Variants in ELFN2 observed in about 807,000 individuals in gnomAD.
ELFN2 encodes the protein extracellular leucine rich repeat and fibronectin type III domain containing 2.
ELFN2 carries 17 observed loss-of-function variants against 45.5 expected under a neutral mutation model. That is an observed-to-expected ratio of 0.37 (90% CI 0.26 to 0.56). The LOEUF is 0.56. Ranked by LOEUF, ELFN2 falls within the 20% of genes least tolerant of loss-of-function variation. ELFN2 has a pLI of 0.77. For missense variants in ELFN2, 922 were observed against 1,183.2 expected (o/e 0.78, Z 3.24); for synonymous variants, 550 against 551.5 (o/e 1.00, Z 0.04).
chr22:37,426,692 C>T (rs1932853947), intron 1 of ELFN2, among the ~76,000 whole-genome samples: 1 of 151,566 alleles, frequency 6.6e-6, no homozygotes, highest in Non-Finnish European at 1.5e-5. Context: ...CCCGGCCCTG[C>T]CAGAGCTGCA....
chr22:37,351,930 C>G (rs1437207093), intron 1 of ELFN2, among the ~76,000 whole-genome samples: 1 of 151,080 alleles, frequency 6.6e-6, no homozygotes, highest in Admixed American at 6.6e-5. Flanking sequence ...GGAGCTGCCT[C>G]ACTCATCTTT....
intron 2 of ELFN2, among the ~76,000 whole-genome samples, chr22:37,401,139 T>C (rs946135308): frequency 6.6e-6 from 1 of 152,188 alleles, no homozygotes; most frequent in Non-Finnish European, 1.5e-5. Flanking sequence ...GGCTGCCTGG[T>C]CTTCCAGAGG....
chr22:37,358,899 C>T (rs1294002062), intron 1 of ELFN2, among the ~76,000 whole-genome samples: 2 of 152,188 alleles, frequency 1.3e-5, no homozygotes, highest in Admixed American at 1.3e-4. Flanking sequence ...AAGGTGGAGA[C>T]TAGCTCCAAA....
At chr22:37,367,760 T>C (rs1459260611), downstream of ELFN2, among the ~76,000 whole-genome samples, 2 of 152,092 alleles carry the variant, frequency 1.3e-5, no homozygotes, top group Non-Finnish European at 2.9e-5. Flanking sequence ...GACCCTGGAA[T>C]TGAGTTTCCT....
At chr22:37,415,634 C>T (rs768533881) in intron 2 of ELFN2, among the ~76,000 whole-genome samples, 10 of 152,196 alleles carry the variant, frequency 6.6e-5, no homozygotes, top group African/African-American at 1.2e-4. Context: ...CTTCCCTACG[C>T]GTGTCAGGAA....
Position 37,417,338 on chromosome 22 carries a change from C to CAGACCCCCACCTGAGCG in ELFN2, c.-463+414_-463+430dup, listed in dbSNP as rs1932770469. 1.3e-5 allele frequency among the ~76,000 whole-genome samples: 2 copies of CAGACCCCCACCTGAGCG among 152,226 alleles called. No individual in the cohort carries two copies. Among genetic ancestry groups the CAGACCCCCACCTGAGCG allele is most frequent in the Non-Finnish European group, 2.9e-5 (2 of 68,034 alleles). ...TTCCAGCCTCTCTCTCTACAATGGA[C>CAGACCCCCACCTGAGCG]AGACCCCCACCTGAGCGAGACCCCC... On this transcript the variant is annotated intron_variant, in intron 2 of 2. Coordinates refer to ENST00000402918, the MANE Select transcript of ELFN2 (RefSeq NM_052906.5). The surrounding 1 kb of genome is among the most constrained non-coding windows in gnomAD (Gnocchi z 4.5).
At chr22:37,387,271 G>A (rs1376614304) in intron 2 of ELFN2, among the ~76,000 whole-genome samples, 3 of 151,934 alleles carry the variant, frequency 2.0e-5, no homozygotes, top group Non-Finnish European at 4.4e-5. Flanking sequence ...CTCTCCCAGC[G>A]CCAAAGCACA....
intron 2 of ELFN2, among the ~76,000 whole-genome samples, chr22:37,400,493 G>A (rs1054700491): frequency 6.6e-6 from 1 of 152,236 alleles, no homozygotes; most frequent in African/African-American, 2.4e-5. Context: ...GACCAAACCT[G>A]ACTACCAAGA....
intron 2 of ELFN2, among the ~76,000 whole-genome samples, chr22:37,401,659 G>A (rs753124234): frequency 2.6e-5 from 4 of 152,170 alleles, no homozygotes; most frequent in Non-Finnish European, 4.4e-5. Context: ...TGCCTAATGC[G>A]AGCCTGGGGG....
intron 1 of ELFN2, among the ~76,000 whole-genome samples, chr22:37,351,265 A>C (rs1930814548): frequency 3.7e-5 from 5 of 136,376 alleles, no homozygotes; most frequent in South Asian, 2.4e-4. Flanking sequence ...CTAGTCCCTC[A>C]CTCCTCTCCT....
chr22:37,390,553 G>T (rs1439515571), intron 2 of ELFN2, among the ~76,000 whole-genome samples: 1 of 152,152 alleles, frequency 6.6e-6, no homozygotes. Context: ...CCCCATGGGG[G>T]TGAGCTCTGA....
intron 2 of ELFN2, among the ~76,000 whole-genome samples, chr22:37,387,551 C>T (rs1452079799): frequency 6.6e-6 from 1 of 152,108 alleles, no homozygotes; most frequent in Non-Finnish European, 1.5e-5. Flanking sequence ...CAGGAGCTGA[C>T]CCTCCTGGGC....
intron 2 of ELFN2, among the ~76,000 whole-genome samples, chr22:37,400,289 T>C (rs1932330831): frequency 6.6e-6 from 1 of 150,598 alleles, no homozygotes; most frequent in African/African-American, 2.4e-5. Flanking sequence ...CGACTCCCAC[T>C]GTGGACAGAG....
chr22:37,424,447 G>GCC (rs1932833165), intron 1 of ELFN2, among the ~76,000 whole-genome samples: 1 of 152,160 alleles, frequency 6.6e-6, no homozygotes, highest in Non-Finnish European at 1.5e-5. Context: ...TGCTGAGTGT[G>GCC]CCCGTTCCTA....
chr22:37,403,078 C>G (rs1569140597), intron 2 of ELFN2, among the ~76,000 whole-genome samples: 1 of 152,136 alleles, frequency 6.6e-6, no homozygotes, highest in Non-Finnish European at 1.5e-5. Flanking sequence ...ATCCCAGTTA[C>G]TACCAGCTAC....
intron 2 of ELFN2, among the ~76,000 whole-genome samples, chr22:37,378,132 G>A (rs551120647): frequency 3.9e-5 from 6 of 152,362 alleles, no homozygotes; most frequent in East Asian, 1.9e-4. Context: ...GTGTGCTGAC[G>A]TGTACAAGTC....
intron 1 of ELFN2, chr22:37,353,906 C>T (rs5995420): frequency 7.2e-6 from 1 of 139,282 alleles, no homozygotes; most frequent in Admixed American, 7.0e-5. Flanking sequence ...CGATTCATTC[C>T]TAGGTTTACA....
intron 1 of ELFN2, among the ~76,000 whole-genome samples, chr22:37,357,358 G>A (rs1436946877): frequency 1.3e-5 from 2 of 152,134 alleles, no homozygotes; most frequent in Admixed American, 1.3e-4. Context: ...TTGCTCCTGT[G>A]GAAGAAGGGA....
rs1251327810 is a variant in ELFN2, at chr22:37,407,924, C to T, written c.-463+9845G>A. On this transcript the variant is annotated intron_variant, in intron 2 of 2. Transcript: ENST00000402918. ...AAAAAAAGAAAGCGAGAAAAGGCCC[C>T]ACCCAGCAATTAAACTGCAGATAAT... is the stretch of plus-strand genomic sequence containing the variant. Among the ~76,000 whole-genome samples the T allele has an allele frequency of 2.6e-5, 4 of 152,190 alleles. No individual in the cohort carries two copies. In the East Asian group the frequency reaches 7.7e-4, roughly 29 times the overall value.
Sources: allele counts gnomAD v4.1 joint callset (sites outside exome capture counted in the v4.1 genomes callset), GRCh38; gene constraint gnomAD v4.1.1; non-coding constraint Gnocchi (gnomAD v3.1); transcripts MANE v1.5; gene names NCBI Gene and HGNC (gene_info 2026-07-23, HGNC 2026-07-21).